Variants in BRD10 observed in about 807,000 individuals in gnomAD.
BRD10 encodes uncharacterized bromodomain-containing protein 10.
At chr9:5,967,990 A>G in the BRD10 span, 176 of 1,317,878 alleles carry the variant, frequency 1.3e-4, 1 homozygote, top group African/African-American at 2.4e-3. Flanking sequence ...ATACTTAAAT[A>G]TAACTCCCAT....
chr9:6,002,998 T>C, the BRD10 span, among the ~76,000 whole-genome samples: 351 of 152,330 alleles, frequency 2.3e-3, 2 homozygotes, highest in African/African-American at 8.1e-3. Context: ...TATGCTGTAC[T>C]CTTACCCCAA....
chr9:5,984,136 A>G, the BRD10 span, among the ~76,000 whole-genome samples: 2 of 152,174 alleles, frequency 1.3e-5, no homozygotes, highest in African/African-American at 2.4e-5. Context: ...TAGAAAAATG[A>G]TATCAGATGG....
the BRD10 span, among the ~76,000 whole-genome samples, chr9:5,992,021 T>A: frequency 7.2e-5 from 11 of 152,176 alleles, no homozygotes; most frequent in Non-Finnish European, 1.6e-4. Context: ...ATGGCTACAC[T>A]CTATCACTTC....
the BRD10 span, among the ~76,000 whole-genome samples, chr9:5,897,241 C>A: frequency 3.3e-5 from 5 of 152,176 alleles, no homozygotes; most frequent in African/African-American, 1.2e-4. Flanking sequence ...GATAATTTAG[C>A]CCCAATAAAT....
the BRD10 span, among the ~76,000 whole-genome samples, chr9:5,955,207 G>C: frequency 1.3e-5 from 2 of 151,662 alleles, no homozygotes; most frequent in African/African-American, 2.4e-5. Flanking sequence ...ACAAATACTA[G>C]ATACAGGACA....
At chr9:5,904,905 C>G in the BRD10 span, among the ~76,000 whole-genome samples, 1 of 151,952 alleles carries the variant, frequency 6.6e-6, no homozygotes, top group Non-Finnish European at 1.5e-5. Flanking sequence ...TCCCAAGTAG[C>G]TGGGACTACA....
the BRD10 span, among the ~76,000 whole-genome samples, chr9:6,005,589 TTTCA>T: frequency 6.6e-6 from 1 of 152,222 alleles, no homozygotes; most frequent in East Asian, 1.9e-4. Context: ...CTCTTAGCAC[TTTCA>T]TTCAGTCATT....
the BRD10 span, among the ~76,000 whole-genome samples, chr9:5,953,297 T>C: frequency 2.0e-5 from 3 of 152,124 alleles, no homozygotes; most frequent in Non-Finnish European, 2.9e-5. Flanking sequence ...GACACATGAA[T>C]ACAAAGACGT....
At chr9:5,974,782 G>C in the BRD10 span, among the ~76,000 whole-genome samples, 1 of 152,182 alleles carries the variant, frequency 6.6e-6, no homozygotes, top group Admixed American at 6.5e-5. Context: ...AGAGAACATA[G>C]TGCCTGTTCC....
chr9:5,969,494 A>C, the BRD10 span: 82 of 1,148,722 alleles, frequency 7.1e-5, no homozygotes, highest in East Asian at 2.1e-3. Context: ...AAAATGATAA[A>C]TTTTAAGTAT....
the BRD10 span, among the ~76,000 whole-genome samples, chr9:5,989,887 TGTCCAGAGTGATTTATTACACTAAA>T: frequency 8.4e-3 from 1,275 of 152,338 alleles, 11 homozygotes; most frequent in African/African-American, 0.029. Context: ...CCTTGGACTA[TGTCCAGAGTGATTTATTACACTAAA>T]TTAGAATAAC....
the BRD10 span, among the ~76,000 whole-genome samples, chr9:5,970,519 T>C: frequency 1.3e-5 from 2 of 152,114 alleles, no homozygotes; most frequent in South Asian, 2.1e-4. Context: ...TGACCTTAGA[T>C]TAGGCAATGG....
chr9:5,989,269 A>T, the BRD10 span, among the ~76,000 whole-genome samples: 1 of 144,592 alleles, frequency 6.9e-6, no homozygotes, highest in East Asian at 2.0e-4. Context: ...AAAATCCAAA[A>T]ATTAGTCAGG....
chr9:5,935,752 G>C, the BRD10 span, among the ~76,000 whole-genome samples: 1 of 152,050 alleles, frequency 6.6e-6, no homozygotes, highest in African/African-American at 2.4e-5. Flanking sequence ...TGAAAAGCAG[G>C]GACAGTATCC....
chr9:5,974,578 G>C, the BRD10 span, among the ~76,000 whole-genome samples: 1 of 152,120 alleles, frequency 6.6e-6, no homozygotes, highest in Non-Finnish European at 1.5e-5. Flanking sequence ...CCCAGCTAAG[G>C]CCCAGCAGAC....
At chr9:5,935,912 T>C in the BRD10 span, among the ~76,000 whole-genome samples, 1 of 152,206 alleles carries the variant, frequency 6.6e-6, no homozygotes, top group Admixed American at 6.5e-5. Context: ...GATTAAAATG[T>C]TCCTAAAGTA....
At chr9:5,963,669 A>T in the BRD10 span, among the ~76,000 whole-genome samples, 2 of 152,220 alleles carry the variant, frequency 1.3e-5, no homozygotes, top group African/African-American at 4.8e-5. Flanking sequence ...ACAAGGCTAC[A>T]GTAACCAAAA....
At chr9:5,922,496 G>C in the BRD10 span, 20 of 1,613,882 alleles carry the variant, frequency 1.2e-5, no homozygotes, top group African/African-American at 2.4e-4. Flanking sequence ...GTTGAAAGCT[G>C]TATTTGGTAG....
the BRD10 span, among the ~76,000 whole-genome samples, chr9:5,926,633 G>T: frequency 6.6e-6 from 1 of 152,092 alleles, no homozygotes. Flanking sequence ...CTGGGTTCAT[G>T]CCATTCTCCT....
Sources: allele counts gnomAD v4.1 joint callset (sites outside exome capture counted in the v4.1 genomes callset), GRCh38; gene constraint gnomAD v4.1.1; transcripts MANE v1.5; gene names NCBI Gene and HGNC (gene_info 2026-07-23, HGNC 2026-07-21).